The following CNN1 variants were observed in gnomAD, a reference collection of about 807,000 sequenced individuals.
CNN1 encodes calponin 1.
CNN1 carries 21 observed loss-of-function variants against 35.3 expected under a neutral mutation model. That is an observed-to-expected ratio of 0.60 (90% CI 0.42 to 0.86). CNN1 has a LOEUF of 0.86. Ranked by LOEUF, CNN1 falls within the 40% of genes least tolerant of loss-of-function variation. The pLI is 0.00. For synonymous variants in CNN1, 164 were observed against 161.8 expected, an observed-to-expected ratio of 1.01 and a Z score of -0.10; for missense variants, 314 against 400.8, an observed-to-expected ratio of 0.78 and a Z score of 1.85.
intron 5 of CNN1, among the ~76,000 whole-genome samples, chr19:11,548,826 G>C (rs747895396): frequency 1.3e-5 from 2 of 152,096 alleles, no homozygotes; most frequent in Admixed American, 1.3e-4. Flanking sequence ...GACAGAGTGA[G>C]ATGCTATCTC....
intron 1 of CNN1, chr19:11,539,800 G>C: frequency 8.4e-7 from 1 of 1,184,490 alleles, no homozygotes; most frequent in Non-Finnish European, 1.1e-6. Context: ...GAGGGATCTC[G>C]GGGCTGGAGG....
Position 11,547,834 on chromosome 19 carries a change from A to G in CNN1, c.428A>G (p.Lys143Arg), listed in dbSNP as rs1268893334. Residue 143 changes from lysine to arginine, a missense_variant, in exon 5 of 7, where the codon AAG becomes AGG. By Grantham distance (26) the Lys-to-Arg change is conservative. Transcript: ENST00000252456. Reference protein sequence around the residue: ...TKGNKVNVGVKYAEKQERKFE... With the variant: ...TKGNKVNVGVRYAEKQERKFE... ...GGAAACAAGGTGAACGTGGGAGTGAAGTACGCAGAGAAGCAGGAGCGGAAA... is the reference window on the plus strand; with the variant it reads ...GGAAACAAGGTGAACGTGGGAGTGAGGTACGCAGAGAAGCAGGAGCGGAAA... 1 of 1,614,072 alleles carries G rather than the reference A, an allele frequency of 6.2e-7. No individual in the cohort carries two copies. The highest frequency in any genetic ancestry group is 8.5e-7 in the Non-Finnish European group (1 of 1,179,936).
intron 4 of CNN1, 106 bp downstream of exon 4, chr19:11,547,075 C>T: frequency 6.6e-7 from 1 of 1,526,426 alleles, no homozygotes; most frequent in South Asian, 1.2e-5. Context: ...GAGCGGGGGG[C>T]AGGGATCGGG....
At chr19:11,539,930 C>G in intron 1 of CNN1, 1 of 1,109,172 alleles carries the variant, frequency 9.0e-7, no homozygotes, top group Non-Finnish European at 1.1e-6. Flanking sequence ...CCTTATAAGG[C>G]GGCCTCGGGG....
intron 1 of CNN1, chr19:11,539,877 G>C (rs1370031164): frequency 2.6e-6 from 3 of 1,164,934 alleles, no homozygotes; most frequent in Non-Finnish European, 2.1e-6. Flanking sequence ...CTCCCCCCCA[G>C]CGCCGGCCCC....
In CNN1 at chr19:11,549,977, G is replaced by C; in HGVS notation, c.*182G>C. The C allele has an allele frequency of 2.3e-6, 2 of 885,180 alleles. No homozygotes were observed. The highest frequency in any genetic ancestry group is 6.0e-5 in the Admixed American group (2 of 33,476). 54.8% of individuals were successfully genotyped at this position (885,180 alleles called of 1,614,324 possible). A position where few individuals can be genotyped will look rare whatever the true frequency, so the allele number is the denominator to read the frequency against. ...GCGGGGGGCCCATTGGGGGGAAGGG[G>C]ACCCTCCGCTCTGTAGTGCTACAGG... On this transcript the variant is annotated 3_prime_UTR_variant, in exon 7 of 7. Coordinates refer to ENST00000252456, the MANE Select transcript of CNN1 (RefSeq NM_001299.6). This position sits in a 1 kb window ranked among gnomAD's most constrained non-coding sequence, Gnocchi z 5.2.
At chr19:11,548,525 G>C (rs560139011) in intron 5 of CNN1, among the ~76,000 whole-genome samples, 1 of 152,312 alleles carries the variant, frequency 6.6e-6, no homozygotes, top group African/African-American at 2.4e-5. Context: ...CTGGGCGACA[G>C]AGTGAGACCC....
intron 2 of CNN1, 44 bp from the exon 3 acceptor site, chr19:11,546,631 A>G (rs770437795): frequency 1.9e-6 from 3 of 1,610,878 alleles, no homozygotes. Context: ...ACCGTGCCCA[A>G]CCCTGGGGGG....
At chr19:11,545,798 C>CAAAAAA (rs1030710214) in intron 2 of CNN1, among the ~76,000 whole-genome samples, 2 of 58,824 alleles carry the variant, frequency 3.4e-5, no homozygotes, top group African/African-American at 1.1e-4. Flanking sequence ...CCCTCTCTAC[C>CAAAAAA]AAAAAAAAAA....
Position 11,547,652 on chromosome 19 carries a change from G to T in CNN1, c.391-145G>T, listed in dbSNP as rs1972619668. On this transcript the variant is annotated intron_variant, in intron 4 of 6. Coordinates refer to ENST00000252456, the MANE Select transcript of CNN1 (RefSeq NM_001299.6). ...GGTGTGAAGCCGGGAGGCGGAGCTT[G>T]CAGTGAGCTGAGATCACGCCACTGC... The T allele has an allele frequency of 7.2e-6, 4 of 557,474 alleles. No homozygotes were observed. The East Asian group carries it at 1.4e-4, about 19-fold the overall frequency. 34.5% of individuals were successfully genotyped at this position (557,474 alleles called of 1,614,324 possible). A position where few individuals can be genotyped will look rare whatever the true frequency, so the allele number is the denominator to read the frequency against.
intron 5 of CNN1, among the ~76,000 whole-genome samples, chr19:11,548,292 C>T (rs1446653923): frequency 6.6e-6 from 1 of 152,144 alleles, no homozygotes; most frequent in African/African-American, 2.4e-5. Flanking sequence ...GTAATTCCAG[C>T]ACTTGGGGAG....
At chr19:11,548,767 G>A (rs1026602491) in intron 5 of CNN1, among the ~76,000 whole-genome samples, 11 of 147,542 alleles carry the variant, frequency 7.5e-5, no homozygotes, top group Admixed American at 6.7e-5. Flanking sequence ...AACTCAGGAG[G>A]CAGAGGTTGC....
intron 1 of CNN1, 37 bp downstream of exon 1, chr19:11,539,027 T>C: frequency 6.6e-7 from 1 of 1,519,070 alleles, no homozygotes; most frequent in Non-Finnish European, 8.9e-7. Context: ...GGCCCACACG[T>C]CCTGCCAGGC....
intron 5 of CNN1, among the ~76,000 whole-genome samples, chr19:11,548,288 C>G (rs1184378221): frequency 1.3e-5 from 2 of 152,174 alleles, no homozygotes; most frequent in African/African-American, 2.4e-5. Context: ...ACCTGTAATT[C>G]CAGCACTTGG....
intron 1 of CNN1, among the ~76,000 whole-genome samples, chr19:11,540,862 G>A (rs1285255388): frequency 1.3e-5 from 2 of 152,076 alleles, no homozygotes; most frequent in Admixed American, 6.5e-5. Flanking sequence ...CAGAATGCCC[G>A]GAATGGCCCC....
At chr19:11,539,698 C>T in intron 1 of CNN1, 1 of 714,716 alleles carries the variant, frequency 1.4e-6, no homozygotes, top group Non-Finnish European at 2.2e-6. Flanking sequence ...GGAGTTCCTG[C>T]CCCATTTGAC....
rs573875100 is a variant in CNN1 at position 11,547,971 on chromosome 19, G to A, written c.501+64G>A. On this transcript the variant is annotated intron_variant, in intron 5 of 6. Transcript: ENST00000252456. Reference sequence around the variant, plus strand: ...CAGGAGGGCACCCTGATGTCTGAAGGCTTTTGGGGACAGGATATTTGGCAT... The same window carrying A: ...CAGGAGGGCACCCTGATGTCTGAAGACTTTTGGGGACAGGATATTTGGCAT... The A allele has an allele frequency of 3.7e-4, 482 of 1,318,760 alleles. 2 individuals carry two copies. The African/African-American group carries it at 6.6e-3, about 18-fold the overall frequency. 81.7% of individuals were successfully genotyped at this position (1,318,760 alleles called of 1,614,324 possible).
chr19:11,542,579 CTT>C (rs34020199), intron 2 of CNN1, among the ~76,000 whole-genome samples: 4 of 142,456 alleles, frequency 2.8e-5, no homozygotes, highest in African/African-American at 2.6e-5. Context: ...CCACTGCAAT[CTT>C]TTTTTTTTTT....
At chr19:11,540,087 T>G in intron 1 of CNN1, 1 of 1,014,366 alleles carries the variant, frequency 9.9e-7, no homozygotes, top group Non-Finnish European at 1.2e-6. Context: ...CCCGGTCCCC[T>G]AGGGGCTGGG....
Sources: allele counts gnomAD v4.1 joint callset (sites outside exome capture counted in the v4.1 genomes callset), GRCh38; gene constraint gnomAD v4.1.1; non-coding constraint Gnocchi (gnomAD v3.1); transcripts MANE v1.5; gene names NCBI Gene and HGNC (gene_info 2026-07-23, HGNC 2026-07-21).